The following SUSD6 variants were observed in gnomAD, a reference collection of about 807,000 sequenced individuals.
SUSD6 encodes the protein sushi domain containing 6, also known as sushi domain-containing protein 6.
Under a neutral mutation model 28.4 loss-of-function variants are expected in SUSD6, and 16 were observed. That is an observed-to-expected ratio of 0.56 (90% confidence interval 0.38 to 0.86). The LOEUF (loss-of-function observed/expected upper bound fraction) is 0.86. Ranked by LOEUF, SUSD6 falls within the 40% of genes least tolerant of loss-of-function variation. The pLI is 0.00. For missense variants in SUSD6, 341 were observed against 384.2 expected (o/e 0.89, Z 0.94); for synonymous variants, 147 against 159.6 (o/e 0.92, Z 0.59).
intron 1 of SUSD6, among the ~76,000 whole-genome samples, chr14:69,645,444 A>G (rs1885412226): frequency 6.6e-6 from 1 of 152,164 alleles, no homozygotes; most frequent in Admixed American, 6.5e-5. Flanking sequence ...ATGATGGGGT[A>G]GAGAGACTTT....
rs1461994634 is a variant in SUSD6, at chr14:69,709,115, C to A, written c.886+11C>A. On this transcript the variant is annotated intron_variant, in intron 5 of 5. Coordinates refer to ENST00000342745, the MANE Select transcript of SUSD6 (RefSeq NM_014734.4). Reference sequence around the variant, plus strand: ...AGGAGTACACAGATGGTGAGTGGTCCAAGCTGAACATGAATTATTAGCTGC... The same window carrying A: ...AGGAGTACACAGATGGTGAGTGGTCAAAGCTGAACATGAATTATTAGCTGC... 4 of 1,548,156 alleles carry A rather than the reference C, an allele frequency of 2.6e-6. No homozygotes were observed. The highest frequency in any genetic ancestry group is 3.5e-6 in the Non-Finnish European group (4 of 1,145,550).
intron 1 of SUSD6, among the ~76,000 whole-genome samples, chr14:69,655,881 T>C (rs572150569): frequency 1.5e-3 from 235 of 152,202 alleles, no homozygotes; most frequent in African/African-American, 5.5e-3. Context: ...GCCTGTCCCC[T>C]CACACCCCAC....
chr14:69,708,708 T>G lies in SUSD6; in HGVS notation c.490T>G (p.Ser164Ala), dbSNP rs1203386294. The G allele has an allele frequency of 1.3e-6, 2 of 1,597,228 alleles. No individual in the cohort carries two copies. The highest frequency in any genetic ancestry group is 1.7e-6 in the Non-Finnish European group (2 of 1,170,506). Residue 164 changes from serine (S) to alanine (A), a missense_variant, in exon 5 of 6, where the codon TCC becomes GCC. Coordinates refer to ENST00000342745, the MANE Select transcript of SUSD6 (RefSeq NM_014734.4). ...CCAGGGGGTATCTGGGGACCAGGTC[T>G]CCATCATGGTGGATGGAGTCCAGGT... The part of the protein sequence containing the change: ...RDQGVSGDQV[S>A]IMVDGVQVAL...
At chr14:69,644,117 G>A (rs1007209708) in intron 1 of SUSD6, among the ~76,000 whole-genome samples, 10 of 152,172 alleles carry the variant, frequency 6.6e-5, no homozygotes, top group East Asian at 1.9e-4. Context: ...ACAGTAGACC[G>A]TAAACTCTTA....
Position 69,710,834 on chromosome 14 carries a change from A to T in SUSD6, c.887-120A>T, listed in dbSNP as rs1886451198. The T allele has an allele frequency of 5.5e-6, 5 of 902,624 alleles. No individual in the cohort carries two copies. In the South Asian group the frequency reaches 7.0e-5, roughly 13 times the overall value. The allele number at this position is 902,624 out of a possible 1,614,324, so 55.9% of individuals were successfully genotyped here. A position where few individuals can be genotyped will look rare whatever the true frequency, so the allele number is the denominator to read the frequency against. ...GCCTACCTAGAAGTGTATGAGTGGG[A>T]CATTTACTTTCTTTAAATTAGGGGC... On this transcript the variant is annotated intron_variant, in intron 5 of 5. Coordinates refer to ENST00000342745, the MANE Select transcript of SUSD6 (RefSeq NM_014734.4).
rs555707612 is a variant in SUSD6 at position 69,625,601 on chromosome 14, G to A, written c.-81+13773G>A. Among the ~76,000 whole-genome samples, 11 of 152,300 alleles carry A rather than the reference G, an allele frequency of 7.2e-5. No homozygotes were observed. In the South Asian group the frequency reaches 1.7e-3, roughly 23 times the overall value. On this transcript the variant is annotated intron_variant, in intron 1 of 5. Transcript: ENST00000342745. ...AACATGGCCGGTCTGGACAGAGGGG[G>A]TTAGCAAGGGTCAATGTGGGGCTGA... is the stretch of plus-strand genomic sequence containing the variant.
At chr14:69,659,927 T>C (rs2139615616) in intron 2 of SUSD6, among the ~76,000 whole-genome samples, 1 of 152,334 alleles carries the variant, frequency 6.6e-6, no homozygotes, top group Middle Eastern at 3.4e-3. Context: ...TTAAAGGACA[T>C]GTTTGGGTGT....
At chr14:69,660,081 G>C (rs963323893) in intron 2 of SUSD6, among the ~76,000 whole-genome samples, 1 of 152,132 alleles carries the variant, frequency 6.6e-6, no homozygotes, top group Admixed American at 6.5e-5. Flanking sequence ...GTGCTTCCTG[G>C]AGAGGGATCT....
At chr14:69,670,377 C>G (rs1408789603) in intron 2 of SUSD6, 1 of 441,272 alleles carries the variant, frequency 2.3e-6, no homozygotes, top group African/African-American at 2.0e-5. Flanking sequence ...AGAACAATTC[C>G]ATGTGATACA....
chr14:69,612,234 T>G (rs1884888260), intron 1 of SUSD6, among the ~76,000 whole-genome samples: 2 of 152,238 alleles, frequency 1.3e-5, no homozygotes, highest in South Asian at 4.1e-4. Flanking sequence ...CTGTCATTAC[T>G]GCCCTCAGCC....
intron 1 of SUSD6, among the ~76,000 whole-genome samples, chr14:69,654,430 G>A (rs1885548285): frequency 6.6e-6 from 1 of 152,190 alleles, no homozygotes; most frequent in Non-Finnish European, 1.5e-5. Context: ...AGGGTAAGAA[G>A]GGGTCATTTC....
At chr14:69,663,387 G>A (rs148051434) in intron 2 of SUSD6, among the ~76,000 whole-genome samples, 2 of 152,320 alleles carry the variant, frequency 1.3e-5, no homozygotes, top group East Asian at 3.9e-4. Flanking sequence ...ATGACAGAAA[G>A]CCAGGCAGTT....
chr14:69,655,640 G>GA (rs796133613), intron 1 of SUSD6, among the ~76,000 whole-genome samples: 322 of 139,368 alleles, frequency 2.3e-3, no homozygotes, highest in South Asian at 0.021. Flanking sequence ...CTCTTTAAAA[G>GA]AAAAAAAAAA....
At chr14:69,708,121 A>T (rs1886410352) in intron 4 of SUSD6, among the ~76,000 whole-genome samples, 1 of 152,244 alleles carries the variant, frequency 6.6e-6, no homozygotes, top group South Asian at 2.1e-4. Flanking sequence ...GAACAAAATT[A>T]TTGTGATTTC....
intron 2 of SUSD6, among the ~76,000 whole-genome samples, chr14:69,677,628 T>G (rs1594714189): frequency 2.9e-5 from 4 of 136,314 alleles, no homozygotes; most frequent in African/African-American, 5.5e-5. Context: ...CAGAGGGGAG[T>G]GGGTGGGGTG....
intron 2 of SUSD6, among the ~76,000 whole-genome samples, chr14:69,669,099 T>A (rs1885791460): frequency 6.7e-6 from 1 of 149,354 alleles, no homozygotes; most frequent in Non-Finnish European, 1.5e-5. Flanking sequence ...GAGTCTCGCT[T>A]TGTCGCCAGG....
At chr14:69,707,136 A>G (rs2139647488) in intron 4 of SUSD6, among the ~76,000 whole-genome samples, 1 of 152,348 alleles carries the variant, frequency 6.6e-6, no homozygotes, top group East Asian at 1.9e-4. Flanking sequence ...CTGGATGAAA[A>G]CAAAGAAGAC....
rs1886491826 is a variant in SUSD6, at chr14:69,713,109, T to G, written c.*2130T>G. 1 of 152,210 alleles carries G rather than the reference T, an allele frequency of 6.6e-6. No homozygotes were observed. The highest frequency in any genetic ancestry group is 2.4e-5 in the African/African-American group (1 of 41,444). 9.4% of individuals were successfully genotyped at this position (152,210 alleles called of 1,614,324 possible). On this transcript the variant is annotated 3_prime_UTR_variant, in exon 6 of 6. Coordinates refer to ENST00000342745, the MANE Select transcript of SUSD6 (RefSeq NM_014734.4). ...AAACCCGCATTCTATTCTAGAATGG[T>G]TTTTAAAATGGAAGATCTTACCTTT... is the stretch of plus-strand genomic sequence containing the variant.
At chr14:69,682,626 G>A (rs947573724) in intron 2 of SUSD6, among the ~76,000 whole-genome samples, 3 of 152,148 alleles carry the variant, frequency 2.0e-5, no homozygotes, top group Admixed American at 2.0e-4. Flanking sequence ...TAAAGAGCAA[G>A]GGCTCTGGTT....
Sources: allele counts gnomAD v4.1 joint callset (sites outside exome capture counted in the v4.1 genomes callset), GRCh38; gene constraint gnomAD v4.1.1; transcripts MANE v1.5; gene names NCBI Gene and HGNC (gene_info 2026-07-23, HGNC 2026-07-21).